Variants in RBFOX1 observed in about 807,000 individuals in gnomAD.
RBFOX1 encodes RNA binding fox-1 homolog 1, also known as RNA binding protein fox-1 homolog 1.
In RBFOX1, 8 loss-of-function variants were observed where a neutral mutation model predicts 57.7. That is an observed-to-expected ratio of 0.14 (90% CI 0.08 to 0.25). The LOEUF (loss-of-function observed/expected upper bound fraction) is 0.25, where lower values mean the gene tolerates loss of function less well. RBFOX1 is among the 10% of genes least tolerant of loss of function. RBFOX1 has a pLI of 1.00. For missense variants in RBFOX1, 611 were observed against 548.5 expected (o/e 1.11, Z -1.14); for synonymous variants, 326 against 222.4 (o/e 1.47, Z -4.15).
rs143540490 is a variant in RBFOX1, at chr16:5,707,120, C to T, written c.318+108159C>T. Among the ~76,000 whole-genome samples, 317 of 152,242 alleles carry T rather than the reference C, an allele frequency of 2.1e-3. 2 individuals are homozygous for T. The highest frequency in any genetic ancestry group is 6.5e-3 in the African/African-American group (270 of 41,540). ...GCCAAGTCAGGATTTGGATTTTTCA[C>T]GACTCTCCCATTCCCAGACAATACA... is the stretch of plus-strand genomic sequence containing the variant. On this transcript the variant is annotated intron_variant, in intron 3 of 19. Transcript: ENST00000641259.
intron 2 of RBFOX1, among the ~76,000 whole-genome samples, chr16:5,570,307 A>G (rs1019685362): frequency 5.3e-5 from 8 of 152,000 alleles, no homozygotes; most frequent in African/African-American, 1.9e-4. Flanking sequence ...TGTTCCCTGA[A>G]CCTCCATTCA....
At chr16:6,839,212 T>C (rs528422856) in intron 3 of RBFOX1, among the ~76,000 whole-genome samples, 2 of 152,116 alleles carry the variant, frequency 1.3e-5, no homozygotes, top group East Asian at 3.9e-4. Context: ...CTCGAATTCC[T>C]GACCTCAAGT....
At chr16:7,243,868 A>G (rs539520611) in intron 4 of RBFOX1, among the ~76,000 whole-genome samples, 2 of 152,196 alleles carry the variant, frequency 1.3e-5, no homozygotes, top group East Asian at 3.9e-4. Flanking sequence ...TTTGTTCTTA[A>G]TGATTATGTT....
At chr16:6,006,275 C>T (rs1170268543) in intron 4 of RBFOX1, among the ~76,000 whole-genome samples, 1 of 151,956 alleles carries the variant, frequency 6.6e-6, no homozygotes. Context: ...GGTCAGAGGG[C>T]TGCATCCACC....
At chr16:5,314,901 C>T (rs971484261) in intron 1 of RBFOX1, among the ~76,000 whole-genome samples, 1 of 148,996 alleles carries the variant, frequency 6.7e-6, no homozygotes, top group Non-Finnish European at 1.5e-5. Flanking sequence ...TTTATAACAA[C>T]ACAGACAAAA....
chr16:7,446,722 C>A (rs566523345), intron 4 of RBFOX1, among the ~76,000 whole-genome samples: 1 of 148,384 alleles, frequency 6.7e-6, no homozygotes, highest in Non-Finnish European at 1.5e-5. Flanking sequence ...CAGAATTTTT[C>A]TCTTACTAAA....
intron 1 of RBFOX1, among the ~76,000 whole-genome samples, chr16:5,242,236 A>C (rs1451946291): frequency 6.6e-6 from 1 of 152,218 alleles, no homozygotes; most frequent in African/African-American, 2.4e-5. Context: ...TAAAAGGCAG[A>C]AACCCCACTG....
chr16:6,953,010 T>C (rs1232563725), intron 3 of RBFOX1, among the ~76,000 whole-genome samples: 1 of 152,090 alleles, frequency 6.6e-6, no homozygotes, highest in Non-Finnish European at 1.5e-5. Context: ...GAACTATACA[T>C]CTTTACCTCA....
intron 4 of RBFOX1, among the ~76,000 whole-genome samples, chr16:5,885,617 G>C (rs1405793553): frequency 1.3e-5 from 2 of 152,142 alleles, no homozygotes; most frequent in Non-Finnish European, 2.9e-5. Flanking sequence ...GGCTTGATTG[G>C]AGTTGTCTAT....
intron 1 of RBFOX1, among the ~76,000 whole-genome samples, chr16:5,255,641 G>T (rs972395123): frequency 2.9e-5 from 4 of 136,626 alleles, no homozygotes; most frequent in Non-Finnish European, 6.3e-5. Context: ...TCCCTTCACC[G>T]ACTCAACCAT....
At chr16:7,016,685 C>A (rs1361866260) in intron 3 of RBFOX1, among the ~76,000 whole-genome samples, 1 of 152,212 alleles carries the variant, frequency 6.6e-6, no homozygotes, top group African/African-American at 2.4e-5. Context: ...CTTGAAGTCA[C>A]ATGTGACTGA....
intron 1 of RBFOX1, among the ~76,000 whole-genome samples, chr16:6,298,602 T>C (rs2078421205): frequency 6.6e-6 from 1 of 152,186 alleles, no homozygotes; most frequent in Non-Finnish European, 1.5e-5. Context: ...ATGGGTTCAG[T>C]TAGCATTGTA....
intron 3 of RBFOX1, among the ~76,000 whole-genome samples, chr16:6,818,049 A>G (rs942712005): frequency 6.6e-6 from 1 of 152,198 alleles, no homozygotes; most frequent in Non-Finnish European, 1.5e-5. Context: ...CCTATATCTC[A>G]CATGGGCATA....
chr16:7,411,054 T>G (rs2098419807), intron 4 of RBFOX1, among the ~76,000 whole-genome samples: 1 of 152,160 alleles, frequency 6.6e-6, no homozygotes, highest in East Asian at 1.9e-4. Flanking sequence ...TAAGCAATTC[T>G]TGTGCCTCAG....
At chr16:7,218,667 T>TGCGTGTGC (rs1567757360) in intron 4 of RBFOX1, among the ~76,000 whole-genome samples, 1 of 148,096 alleles carries the variant, frequency 6.8e-6, no homozygotes, top group Admixed American at 6.7e-5. Context: ...TGTGTGTGTG[T>TGCGTGTGC]GTGTGTGTGT....
intron 3 of RBFOX1, among the ~76,000 whole-genome samples, chr16:7,041,082 ATTTTTTTTTTTTT>A (rs61569211): frequency 3.7e-5 from 4 of 109,310 alleles, no homozygotes; most frequent in Non-Finnish European, 5.5e-5. Flanking sequence ...CGCCCAGCTA[ATTTTTTTTTTTTT>A]TTTTTTTTTT....
chr16:5,934,520 C>T (rs144440729), intron 4 of RBFOX1, among the ~76,000 whole-genome samples: 34 of 152,304 alleles, frequency 2.2e-4, no homozygotes, highest in East Asian at 5.8e-4. Flanking sequence ...GCCTAGTCCA[C>T]GACTCACGTT....
At chr16:6,082,913 C>G (rs1210866584) in intron 1 of RBFOX1, among the ~76,000 whole-genome samples, 2 of 152,174 alleles carry the variant, frequency 1.3e-5, no homozygotes, top group African/African-American at 4.8e-5. Context: ...AGCACCCCTG[C>G]TCTACAGACT....
exon 3 of RBFOX1, chr16:5,599,214 A>G (rs780448338): frequency 1.4e-5 from 10 of 698,424 alleles, no homozygotes; most frequent in South Asian, 4.5e-5. Flanking sequence ...GACCAGGCCC[A>G]CTTGGTGGAC....
Sources: gnomAD v4.1 joint callset for allele counts (sites outside exome capture counted in the v4.1 genomes callset) on GRCh38, gnomAD v4.1.1 for gene constraint, MANE v1.5 for transcripts, NCBI Gene and HGNC (gene_info 2026-07-23, HGNC 2026-07-21) for gene names.